The following ZNF487 variants were observed in gnomAD, a reference collection of about 807,000 sequenced individuals.
The protein encoded by ZNF487 is KRAB domain only 1.
Under a neutral mutation model 3.0 loss-of-function variants are expected in ZNF487, and 4 were observed. The ratio of observed to expected loss-of-function variants is 1.35; its 90% confidence interval spans 0.66 to 3.08. The LOEUF is 3.08. Ranked by LOEUF, ZNF487 falls within the 30% of genes most tolerant of loss-of-function variation. ZNF487 has a pLI of 0.01. For synonymous variants in ZNF487, 55 were observed against 34.6 expected (o/e 1.59, Z -2.06); for missense variants, 146 against 98.7 (o/e 1.48, Z -2.03).
chr10:43,503,751 C>A, the ZNF487 span, among the ~76,000 whole-genome samples: 1 of 152,110 alleles, frequency 6.6e-6, no homozygotes, highest in African/African-American at 2.4e-5. Context: ...GACTACAAGG[C>A]ATGCACCACC....
the ZNF487 span, among the ~76,000 whole-genome samples, chr10:43,502,909 T>C: frequency 6.6e-6 from 1 of 151,690 alleles, no homozygotes; most frequent in Non-Finnish European, 1.5e-5. Flanking sequence ...CACATGCCTG[T>C]AGTCTCAGCT....
chr10:43,465,257 C>T (rs1840643825), intron 1 of ZNF487, among the ~76,000 whole-genome samples: 1 of 150,654 alleles, frequency 6.6e-6, no homozygotes, highest in African/African-American at 2.4e-5. Flanking sequence ...CCTCACCTCC[C>T]TCCCGGACGG....
chr10:43,464,460 G>T (rs59036137), intron 1 of ZNF487, among the ~76,000 whole-genome samples: 14 of 151,992 alleles, frequency 9.2e-5, no homozygotes, highest in Non-Finnish European at 1.9e-4. Flanking sequence ...GTGGAGGGAA[G>T]GTCAGCAGAT....
At chr10:43,454,340 TGCA>T (rs1840101469) in intron 1 of ZNF487, 3 of 152,244 alleles carry the variant, frequency 2.0e-5, no homozygotes, top group Non-Finnish European at 2.9e-5. Flanking sequence ...CGTGAGCCAC[TGCA>T]CCTGGCCCTC....
At chr10:43,472,330 C>G (rs1320727971) in intron 1 of ZNF487, among the ~76,000 whole-genome samples, 3 of 152,166 alleles carry the variant, frequency 2.0e-5, no homozygotes, top group Admixed American at 1.3e-4. Flanking sequence ...ATTCCTTCCC[C>G]TTCTTGTTTG....
the ZNF487 span, among the ~76,000 whole-genome samples, chr10:43,522,862 C>T: frequency 6.6e-6 from 1 of 152,154 alleles, no homozygotes; most frequent in African/African-American, 2.4e-5. Context: ...TTAATTTTTT[C>T]TTTGCCGTCA....
chr10:43,453,897 T>G (rs1840087357), intron 1 of ZNF487: 1 of 152,166 alleles, frequency 6.6e-6, no homozygotes, highest in African/African-American at 2.4e-5. Context: ...GGCTGCCTGA[T>G]GAGTATAATG....
intron 1 of ZNF487, among the ~76,000 whole-genome samples, chr10:43,460,697 CTT>C (rs745732807): frequency 4.2e-5 from 6 of 141,564 alleles, no homozygotes; most frequent in Admixed American, 1.4e-4. Context: ...TCTTAAAAGT[CTT>C]TTTTTTTTTT....
At chr10:43,500,668 ATT>A in the ZNF487 span, among the ~76,000 whole-genome samples, 2 of 142,404 alleles carry the variant, frequency 1.4e-5, no homozygotes, top group Admixed American at 7.1e-5. Flanking sequence ...TGCCCAGCTA[ATT>A]TTTTTTTTTT....
At chr10:43,494,766 A>C in the ZNF487 span, among the ~76,000 whole-genome samples, 4 of 99,968 alleles carry the variant, frequency 4.0e-5, no homozygotes, top group African/African-American at 2.3e-4. Flanking sequence ...CTAAAAATAC[A>C]AAAAAAAAAA....
the ZNF487 span, among the ~76,000 whole-genome samples, chr10:43,493,695 G>A: frequency 0.25 from 10,079 of 40,638 alleles, 2,262 homozygotes; most frequent in African/African-American, 0.45. Context: ...CTCAAAAAAA[G>A]AAAAAAAAAA....
intron 1 of ZNF487, among the ~76,000 whole-genome samples, chr10:43,457,248 GAAAAC>G (rs995017282): frequency 7.9e-5 from 12 of 151,024 alleles, no homozygotes; most frequent in African/African-American, 2.2e-4. Context: ...TCCATCTCCA[GAAAAC>G]AAAACAAAAC....
chr10:43,459,808 T>C (rs1840358269), intron 1 of ZNF487, among the ~76,000 whole-genome samples: 1 of 128,206 alleles, frequency 7.8e-6, no homozygotes, highest in African/African-American at 3.6e-5. Context: ...ATTATTATTA[T>C]TATTATTTTC....
At chr10:43,492,699 G>A in the ZNF487 span, among the ~76,000 whole-genome samples, 14 of 151,966 alleles carry the variant, frequency 9.2e-5, no homozygotes, top group South Asian at 1.9e-3. Context: ...GTGATCCGCC[G>A]GCCTCGGCCT....
At chr10:43,466,181 A>AGAGAGGGAGAGGGAAACCGTAGG (rs1554798613) in intron 1 of ZNF487, among the ~76,000 whole-genome samples, 1 of 135,392 alleles carries the variant, frequency 7.4e-6, no homozygotes, top group Non-Finnish European at 1.6e-5. Context: ...GACCGTGGAA[A>AGAGAGGGAGAGGGAAACCGTAGG]GAGAGGGAGA....
At chr10:43,494,763 T>TACAAAAAAA in the ZNF487 span, among the ~76,000 whole-genome samples, 1 of 20,910 alleles carries the variant, frequency 4.8e-5, no homozygotes, top group African/African-American at 2.1e-4. Flanking sequence ...CTACTAAAAA[T>TACAAAAAAA]ACAAAAAAAA....
chr10:43,485,606 A>C (rs1041485875), downstream of ZNF487, among the ~76,000 whole-genome samples: 1 of 152,242 alleles, frequency 6.6e-6, no homozygotes, highest in African/African-American at 2.4e-5. Flanking sequence ...AACTCAGTGA[A>C]TATAGGTTTT....
At chr10:43,457,573 A>G (rs1166587479) in intron 1 of ZNF487, among the ~76,000 whole-genome samples, 71 of 150,924 alleles carry the variant, frequency 4.7e-4, no homozygotes, top group African/African-American at 1.4e-3. Context: ...AAAAAAAAAA[A>G]AAAGAAAAAG....
the ZNF487 span, among the ~76,000 whole-genome samples, chr10:43,493,064 C>A: frequency 1.3e-5 from 2 of 152,034 alleles, no homozygotes; most frequent in African/African-American, 4.8e-5. Flanking sequence ...AACCCCGTCT[C>A]TACCAAAGAT....
Sources: allele counts gnomAD v4.1 joint callset (sites outside exome capture counted in the v4.1 genomes callset), GRCh38; gene constraint gnomAD v4.1.1; transcripts MANE v1.5; gene names NCBI Gene and HGNC (gene_info 2026-07-23, HGNC 2026-07-21).